Variants in KLF12 observed in about 807,000 individuals in gnomAD.
The protein encoded by KLF12 is Krueppel-like factor 12.
In KLF12, 9 loss-of-function variants were observed where a neutral mutation model predicts 37.8. That is an observed-to-expected ratio of 0.24 (90% CI 0.14 to 0.42). The LOEUF is 0.42. Ranked by LOEUF, KLF12 falls within the 10% of genes least tolerant of loss-of-function variation. The pLI is 1.00. For synonymous variants in KLF12, 208 were observed against 202.1 expected (o/e 1.03, Z -0.25); for missense variants, 411 against 516.0 (o/e 0.80, Z 1.97).
intron 2 of KLF12, among the ~76,000 whole-genome samples, chr13:73,946,747 G>A (rs1890440079): frequency 6.6e-6 from 1 of 152,188 alleles, no homozygotes; most frequent in Non-Finnish European, 1.5e-5. Context: ...CTTTCAACTA[G>A]TGCAGATTCA....
At chr13:73,890,724 A>T (rs191957878) in intron 3 of KLF12, among the ~76,000 whole-genome samples, 366 of 152,198 alleles carry the variant, frequency 2.4e-3, no homozygotes, top group African/African-American at 7.6e-3. Flanking sequence ...TTTAAAAAAA[A>T]AAAATAAAAG....
the KLF12 span, among the ~76,000 whole-genome samples, chr13:74,213,666 A>G: frequency 7.3e-6 from 1 of 137,730 alleles, no homozygotes; most frequent in African/African-American, 2.8e-5. Flanking sequence ...TTCCAGTTTA[A>G]TTTTCATTCT....
intron 2 of KLF12, among the ~76,000 whole-genome samples, chr13:73,986,286 T>C (rs368260580): frequency 1.2e-3 from 183 of 152,314 alleles, no homozygotes; most frequent in African/African-American, 4.2e-3. Context: ...TTTTTTATAA[T>C]GGGAAATTTT....
chr13:73,851,450 TAG>T, intron 3 of KLF12, among the ~76,000 whole-genome samples: 2 of 152,326 alleles, frequency 1.3e-5, no homozygotes, highest in Middle Eastern at 6.8e-3. Flanking sequence ...CTCTACTTTC[TAG>T]CTGAGTTAGA....
chr13:74,199,973 G>A, the KLF12 span, among the ~76,000 whole-genome samples: 13 of 152,094 alleles, frequency 8.5e-5, no homozygotes, highest in African/African-American at 3.1e-4. Context: ...AACACTTATA[G>A]CATCCTACTT....
intron 5 of KLF12, among the ~76,000 whole-genome samples, chr13:73,779,585 G>C (rs571160108): frequency 5.1e-4 from 77 of 152,338 alleles, no homozygotes; most frequent in African/African-American, 1.9e-3. Context: ...GTAATCATAA[G>C]TGAAATGCCT....
chr13:73,933,821 G>GT (rs201278050), intron 3 of KLF12, among the ~76,000 whole-genome samples: 19 of 151,000 alleles, frequency 1.3e-4, no homozygotes, highest in Non-Finnish European at 1.6e-4. Flanking sequence ...TTCAAAAAAT[G>GT]TTTTTTTTTA....
chr13:73,895,984 C>A (rs1356988666), intron 3 of KLF12, among the ~76,000 whole-genome samples: 1 of 152,062 alleles, frequency 6.6e-6, no homozygotes, highest in Non-Finnish European at 1.5e-5. Context: ...CCACGCCTGA[C>A]TAATTTTTGT....
intron 2 of KLF12, among the ~76,000 whole-genome samples, chr13:73,964,343 C>A (rs1891112294): frequency 1.3e-5 from 2 of 152,310 alleles, no homozygotes; most frequent in African/African-American, 4.8e-5. Context: ...ATTCATTGAT[C>A]TTTGCATCTC....
chr13:73,920,799 C>CT (rs1889079250), intron 3 of KLF12, among the ~76,000 whole-genome samples: 1 of 152,086 alleles, frequency 6.6e-6, no homozygotes, highest in African/African-American at 2.4e-5. Context: ...AAGTATGGCT[C>CT]TTTGACTTGC....
At chr13:73,711,894 T>C (rs890062028) in intron 7 of KLF12, among the ~76,000 whole-genome samples, 6 of 152,302 alleles carry the variant, frequency 3.9e-5, no homozygotes, top group Middle Eastern at 3.4e-3. Context: ...CTAGATGCCA[T>C]TAGGAACATT....
At chr13:74,054,876 T>A (rs77830333) in intron 1 of KLF12, among the ~76,000 whole-genome samples, 1 of 152,182 alleles carries the variant, frequency 6.6e-6, no homozygotes, top group African/African-American at 2.4e-5. Flanking sequence ...ATACACTAAT[T>A]TGAAATTAGC....
At chr13:74,131,072 T>C (rs1878237888) in intron 1 of KLF12, among the ~76,000 whole-genome samples, 1 of 152,184 alleles carries the variant, frequency 6.6e-6, no homozygotes, top group South Asian at 2.1e-4. Context: ...CTGGCTTGAA[T>C]TCAAAATGCT....
At chr13:74,219,180 T>TCCC in the KLF12 span, among the ~76,000 whole-genome samples, 1 of 152,270 alleles carries the variant, frequency 6.6e-6, no homozygotes, top group African/African-American at 2.4e-5. Flanking sequence ...GGTCCTGAAC[T>TCCC]CCCGACCTTA....
chr13:74,053,264 T>A (rs974498062), intron 1 of KLF12, among the ~76,000 whole-genome samples: 2 of 152,224 alleles, frequency 1.3e-5, no homozygotes, highest in African/African-American at 4.8e-5. Flanking sequence ...GACTATATCC[T>A]ACACATACTT....
chr13:74,228,434 A>C, the KLF12 span, among the ~76,000 whole-genome samples: 1 of 152,158 alleles, frequency 6.6e-6, no homozygotes, highest in African/African-American at 2.4e-5. Context: ...TTTCCTATAA[A>C]ATATTACATA....
At chr13:73,945,747 A>T (rs1019639292) in intron 2 of KLF12, among the ~76,000 whole-genome samples, 5 of 152,198 alleles carry the variant, frequency 3.3e-5, no homozygotes, top group Admixed American at 3.3e-4. Flanking sequence ...ATTACTGTCA[A>T]TATTATTTCC....
upstream of KLF12, among the ~76,000 whole-genome samples, chr13:74,135,791 C>CT (rs1335568929): frequency 6.6e-6 from 1 of 152,180 alleles, no homozygotes; most frequent in Non-Finnish European, 1.5e-5. Context: ...GAAAGCTTTG[C>CT]TGTACTGTGG....
At chr13:73,718,726 C>A (rs1160562663) in intron 6 of KLF12, among the ~76,000 whole-genome samples, 2 of 152,126 alleles carry the variant, frequency 1.3e-5, no homozygotes, top group Non-Finnish European at 2.9e-5. Context: ...AACCCTGTCT[C>A]TACAAAAACA....
Sources: gnomAD v4.1 joint callset for allele counts (sites outside exome capture counted in the v4.1 genomes callset) on GRCh38, gnomAD v4.1.1 for gene constraint, MANE v1.5 for transcripts, NCBI Gene and HGNC (gene_info 2026-07-23, HGNC 2026-07-21) for gene names.